The following RANBP2 variants were observed in gnomAD, a reference collection of about 807,000 sequenced individuals.
RANBP2 encodes the protein E3 SUMO-protein ligase RanBP2.
A neutral mutation model predicts 303.6 loss-of-function variants in RANBP2; 57 were observed. The observed-to-expected ratio is 0.19, with a 90% confidence interval of 0.15 to 0.23. The LOEUF (loss-of-function observed/expected upper bound fraction) is 0.23. RANBP2 is among the 10% of genes least tolerant of loss of function. RANBP2 has a pLI of 1.00. For missense variants in RANBP2, 3,138 were observed against 3,780.8 expected (o/e 0.83, Z 4.46); for synonymous variants, 1,167 against 1,301.5 (o/e 0.90, Z 2.23).
the RANBP2 span, among the ~76,000 whole-genome samples, chr2:109,713,768 C>A: frequency 6.6e-6 from 1 of 152,222 alleles, no homozygotes; most frequent in Non-Finnish European, 1.5e-5. Context: ...AAAGAGCCCA[C>A]AGCTAACATC....
At chr2:109,249,164 G>A in the RANBP2 span, among the ~76,000 whole-genome samples, 3 of 152,084 alleles carry the variant, frequency 2.0e-5, no homozygotes, top group African/African-American at 7.2e-5. Context: ...TTACAGGTGT[G>A]GGCCACCACA....
At chr2:108,938,518 G>T in the RANBP2 span, among the ~76,000 whole-genome samples, 1 of 152,192 alleles carries the variant, frequency 6.6e-6, no homozygotes, top group Non-Finnish European at 1.5e-5. Context: ...AAATATCCAT[G>T]CAGAAGTTCA....
the RANBP2 span, among the ~76,000 whole-genome samples, chr2:109,575,178 C>A: frequency 2.0e-5 from 3 of 152,274 alleles, no homozygotes; most frequent in African/African-American, 7.2e-5. Flanking sequence ...CATGCTGGGT[C>A]CCTTTCTGAC....
the RANBP2 span, among the ~76,000 whole-genome samples, chr2:109,379,140 T>C: frequency 6.6e-6 from 1 of 152,198 alleles, no homozygotes; most frequent in Non-Finnish European, 1.5e-5. Context: ...TATCTGCAAA[T>C]CTTGTTTCAC....
the RANBP2 span, among the ~76,000 whole-genome samples, chr2:109,705,145 C>CT: frequency 1.3e-5 from 2 of 151,870 alleles, no homozygotes; most frequent in African/African-American, 4.8e-5. Context: ...TGGCTCATGC[C>CT]TGTAATCCCA....
the RANBP2 span, among the ~76,000 whole-genome samples, chr2:109,359,987 C>T: frequency 6.6e-6 from 1 of 151,766 alleles, no homozygotes; most frequent in African/African-American, 2.4e-5. Context: ...TTTTAAAAGC[C>T]ATCCAGCAGA....
chr2:108,984,650 C>G, the RANBP2 span, among the ~76,000 whole-genome samples: 160 of 152,260 alleles, frequency 1.1e-3, no homozygotes, highest in African/African-American at 3.7e-3. Context: ...CCCACTACTA[C>G]CCTGGGCACC....
the RANBP2 span, among the ~76,000 whole-genome samples, chr2:109,535,140 C>T: frequency 3.9e-5 from 6 of 152,276 alleles, no homozygotes; most frequent in East Asian, 5.8e-4. Context: ...TGGTCAGAAG[C>T]GTGGAGAGAG....
intron 18 of RANBP2, among the ~76,000 whole-genome samples, chr2:108,759,520 A>T (rs1676571717): frequency 6.6e-6 from 1 of 152,146 alleles, no homozygotes; most frequent in African/African-American, 2.4e-5. Context: ...CCCAGGAAAG[A>T]TTTAGAATAA....
At chr2:109,717,460 T>C in the RANBP2 span, among the ~76,000 whole-genome samples, 2 of 152,054 alleles carry the variant, frequency 1.3e-5, no homozygotes, top group East Asian at 1.9e-4. Flanking sequence ...TGGACGCCTG[T>C]AATCCCAGCT....
chr2:108,896,972 A>C, the RANBP2 span: 1 of 1,613,816 alleles, frequency 6.2e-7, no homozygotes, highest in Non-Finnish European at 8.5e-7. Context: ...ATGTCTGCAC[A>C]CAAGGACTCC....
the RANBP2 span, among the ~76,000 whole-genome samples, chr2:109,046,288 T>C: frequency 7.0e-5 from 10 of 141,888 alleles, no homozygotes; most frequent in Admixed American, 5.1e-4. Flanking sequence ...TGGGCGACAG[T>C]GCAAGACTCT....
the RANBP2 span, among the ~76,000 whole-genome samples, chr2:109,505,633 C>T: frequency 5.9e-5 from 9 of 152,310 alleles, no homozygotes; most frequent in Middle Eastern, 6.8e-3. Flanking sequence ...ACTCTCCCTC[C>T]GGACAAGGCT....
the RANBP2 span, among the ~76,000 whole-genome samples, chr2:108,809,449 TGTGTGTG>T: frequency 4.5e-5 from 1 of 22,316 alleles, no homozygotes; most frequent in Non-Finnish European, 1.0e-4. Context: ...CATGAAATGT[TGTGTGTG>T]TGTGTGTGTG....
chr2:109,298,119 T>A, the RANBP2 span, among the ~76,000 whole-genome samples: 1 of 151,784 alleles, frequency 6.6e-6, no homozygotes, highest in Non-Finnish European at 1.5e-5. Flanking sequence ...GATGCAGAGG[T>A]GAATAGGGCA....
the RANBP2 span, among the ~76,000 whole-genome samples, chr2:109,519,906 C>T: frequency 6.6e-6 from 1 of 152,196 alleles, no homozygotes; most frequent in Non-Finnish European, 1.5e-5. Flanking sequence ...GAAATGATAG[C>T]TGTGGCTGCA....
chr2:109,687,405 C>G, the RANBP2 span, among the ~76,000 whole-genome samples: 11 of 152,154 alleles, frequency 7.2e-5, no homozygotes, highest in Non-Finnish European at 1.3e-4. Flanking sequence ...TTTCCCTGCC[C>G]CATCCCTAGA....
At chr2:108,808,934 A>G in the RANBP2 span, among the ~76,000 whole-genome samples, 1 of 151,988 alleles carries the variant, frequency 6.6e-6, no homozygotes, top group African/African-American at 2.4e-5. Context: ...TTCCTCTAGT[A>G]GTTGCATAGT....
the RANBP2 span, among the ~76,000 whole-genome samples, chr2:109,305,248 CT>C: frequency 6.6e-6 from 1 of 152,154 alleles, no homozygotes; most frequent in Non-Finnish European, 1.5e-5. Context: ...CGGTTTCCCC[CT>C]GGGAAGTTCA....
Sources: allele counts gnomAD v4.1 joint callset (sites outside exome capture counted in the v4.1 genomes callset), GRCh38; gene constraint gnomAD v4.1.1; transcripts MANE v1.5; gene names NCBI Gene and HGNC (gene_info 2026-07-23, HGNC 2026-07-21).